GUCY2F: variants seen among roughly 807,000 people sequenced by gnomAD.
GUCY2F encodes the protein guanylate cyclase 2F, retinal.
GUCY2F carries 61 observed loss-of-function variants against 73.1 expected under a neutral mutation model. That is an observed-to-expected ratio of 0.83 (90% CI 0.68 to 1.03). The LOEUF (loss-of-function observed/expected upper bound fraction) is 1.03. Among genes scored for constraint, GUCY2F ranks in the 50% least tolerant of loss-of-function variants. The probability of loss-of-function intolerance (pLI) is 0.00; values close to 1 mark genes in which losing one functional copy is unlikely to be tolerated. For synonymous variants in GUCY2F, 331 were observed against 307.8 expected, an observed-to-expected ratio of 1.08 and a Z score of -0.79; for missense variants, 912 against 854.3, an observed-to-expected ratio of 1.07 and a Z score of -0.84.
rs749158409 is a variant in GUCY2F, at chrX:109,453,745, T to C, written c.1147A>G (p.Arg383Gly). Residue 383 changes from arginine (R) to glycine (G), a missense_variant, in exon 4 of 20, where the codon AGA becomes GGA. Physicochemically the swap from Arg to Gly is moderately radical, Grantham distance 125. Coordinates refer to ENST00000218006, the MANE Select transcript of GUCY2F (RefSeq NM_001522.3). ...TTGAATCCATGGAACTGCATGTTTC[T>C]GGAATGCTGAACCAGGCTGGCAGCA... ...AGAASLVQHS[R>G]NMQFHGFNQL... The C allele has an allele frequency of 4.8e-5, 57 of 1,198,614 alleles. 1 individual carries two copies. In the East Asian group the frequency reaches 1.7e-3, roughly 35 times the overall value.
At chrX:109,387,530 G>A (rs1045830399) in intron 15 of GUCY2F, among the ~76,000 whole-genome samples, 8 of 112,205 alleles carry the variant, frequency 7.1e-5, no homozygotes, top group South Asian at 3.7e-4. Context: ...AGTCATCAGC[G>A]TACAAGTGGT....
In GUCY2F at chrX:109,395,429, T is replaced by G; in HGVS notation, c.2336A>C (p.His779Pro). ...CAGCTGGAGACATTCTGGAGGGGCA[T>G]GCTCAGGAGGAACTACTGGTCTGTA... Reference protein sequence around the residue: ...PVYRPVVPPEHAPPECLQLMK... With the variant: ...PVYRPVVPPEPAPPECLQLMK... The change falls in exon 12 of 20, where the codon CAT (histidine) becomes CCT (proline). Residue 779 changes from histidine to proline, a missense_variant. Physicochemically the swap from His to Pro is moderately conservative, Grantham distance 77. Transcript: ENST00000218006. 1 of 1,198,015 alleles carries G rather than the reference T, an allele frequency of 8.3e-7. No homozygotes were observed. The highest frequency in any genetic ancestry group is 2.3e-4 in the Middle Eastern group (1 of 4,322).
chrX:109,412,233 G>A (rs1931128187), intron 8 of GUCY2F, among the ~76,000 whole-genome samples: 1 of 111,841 alleles, frequency 8.9e-6, no homozygotes, highest in South Asian at 3.8e-4. Context: ...TATAAATCAC[G>A]TGACTTCTTG....
chrX:109,383,648 G>A (rs754215761), intron 16 of GUCY2F, among the ~76,000 whole-genome samples: 20 of 111,800 alleles, frequency 1.8e-4, no homozygotes, highest in East Asian at 5.7e-4. Context: ...GAGCACACGC[G>A]TATACTTCTT....
At chrX:109,394,592 G>A (rs1930658007) in intron 12 of GUCY2F, among the ~76,000 whole-genome samples, 1 of 112,209 alleles carries the variant, frequency 8.9e-6, no homozygotes, top group African/African-American at 3.2e-5. Flanking sequence ...CTCATGGTGA[G>A]CACCCTCAGT....
chrX:109,390,271 G>A (rs1418252711), intron 14 of GUCY2F, among the ~76,000 whole-genome samples: 1 of 111,389 alleles, frequency 9.0e-6, no homozygotes, highest in Admixed American at 9.5e-5. Context: ...AGAAAAGGGT[G>A]CGATTGGGAT....
chrX:109,391,039 G>C (rs1207986677), intron 14 of GUCY2F, among the ~76,000 whole-genome samples: 2 of 112,321 alleles, frequency 1.8e-5, no homozygotes, highest in Non-Finnish European at 3.8e-5. Context: ...CTTTGGTCCT[G>C]GGACAGAGAA....
At chrX:109,431,997 A>C (rs1471908561) in intron 7 of GUCY2F, among the ~76,000 whole-genome samples, 1 of 110,956 alleles carries the variant, frequency 9.0e-6, no homozygotes, top group East Asian at 2.8e-4. Flanking sequence ...GCCTGCCTGC[A>C]GCAGAATGGT....
intron 7 of GUCY2F, among the ~76,000 whole-genome samples, chrX:109,438,936 C>T (rs999366831): frequency 8.9e-6 from 1 of 112,857 alleles, no homozygotes; most frequent in African/African-American, 3.2e-5. Context: ...CTAATGGGGA[C>T]TCTCTGCAGT....
intron 17 of GUCY2F, among the ~76,000 whole-genome samples, chrX:109,378,065 C>T (rs1280023734): frequency 4.5e-5 from 5 of 111,429 alleles, no homozygotes; most frequent in Non-Finnish European, 7.5e-5. Flanking sequence ...AACTCTTTGA[C>T]CCAATATCAA....
At chrX:109,453,387 C>T (rs1188223797) in intron 4 of GUCY2F, 118 bp downstream of exon 4, 17 of 445,236 alleles carry the variant, frequency 3.8e-5, no homozygotes, top group Middle Eastern at 5.8e-4. Flanking sequence ...GTATGTCACT[C>T]GAATGCAAAT....
At chrX:109,473,070 T>C in intron 2 of GUCY2F, among the ~76,000 whole-genome samples, 1 of 109,358 alleles carries the variant, frequency 9.1e-6, no homozygotes, top group Non-Finnish European at 1.9e-5. Context: ...CCCACCCACA[T>C]TCTGACTCAT....
chrX:109,476,723 AAGAT>A (rs3831757), intron 1 of GUCY2F, among the ~76,000 whole-genome samples: 40,578 of 96,259 alleles, frequency 0.42, 7,492 homozygotes, highest in Middle Eastern at 0.49. Flanking sequence ...CCCAGAGGTA[AAGAT>A]AGATAGATAG....
intron 17 of GUCY2F, 139 bp downstream of exon 17, chrX:109,381,979 C>T (rs986822790): frequency 3.3e-5 from 13 of 396,056 alleles, no homozygotes; most frequent in Non-Finnish European, 5.4e-5. Context: ...TTTTGGGAAC[C>T]CCAAATGGGG....
chrX:109,408,085 A>G (rs1178299615), intron 9 of GUCY2F, among the ~76,000 whole-genome samples: 1 of 112,299 alleles, frequency 8.9e-6, no homozygotes, highest in Non-Finnish European at 1.9e-5. Context: ...AGCCCATGAA[A>G]GCAGCCAGAA....
intron 7 of GUCY2F, among the ~76,000 whole-genome samples, chrX:109,431,567 C>T (rs1250833656): frequency 9.1e-6 from 1 of 110,001 alleles, no homozygotes; most frequent in African/African-American, 3.3e-5. Flanking sequence ...GGCGTGGTGG[C>T]GGGCGCCTGT....
At position 109,392,955 on chromosome X, in the gene GUCY2F, C is replaced by T. The variant is rs748872921; in HGVS notation, c.2525G>A (p.Arg842Gln). 43 of 1,172,189 alleles carry T rather than the reference C, an allele frequency of 3.7e-5. No homozygotes were observed. The highest frequency in any genetic ancestry group is 3.4e-4 in the South Asian group (19 of 55,815). The stretch of plus-strand genomic sequence containing the variant: ...TTTTTCAATTTCCAGCTCTTCAGTC[C>T]GCTCCCGAATCAAATCTTCCAAGTT... ...SSNLEDLIRE[R>Q]TEELEIEKQK... is the part of the protein sequence containing the mutation. Residue 842 changes from arginine (R) to glutamine (Q), a missense_variant, in exon 13 of 20, where the codon CGG becomes CAG. By Grantham distance (43) the Arg-to-Gln change is conservative. Transcript: ENST00000218006.
rs1362851010 is a variant in GUCY2F, at chrX:109,475,626, C to T, written c.311G>A (p.Cys104Tyr). ...ACTGGAGAGAGCCCTCGAAGTCTGG[C>T]AGTCTTCATTGAGAATCACGTATTC... is the stretch of plus-strand genomic sequence containing the variant. ...SFEYVILNED[C>Y]QTSRALSSFI... The change falls in exon 2 of 20, where the codon TGC (cysteine) becomes TAC (tyrosine). Residue 104 changes from cysteine to tyrosine, a missense_variant. Physicochemically the swap from Cys to Tyr is radical, Grantham distance 194. Transcript: ENST00000218006. 8.3e-7 allele frequency: 1 copy of T among 1,210,081 alleles called. No individual in the cohort carries two copies. Among genetic ancestry groups the T allele is most frequent in the East Asian group, 3.0e-5 (1 of 33,810 alleles).
intron 12 of GUCY2F, 125 bp downstream of exon 12, chrX:109,395,216 A>T (rs2076361): frequency 3.7e-6 from 2 of 539,207 alleles, no homozygotes; most frequent in Non-Finnish European, 6.1e-6. Flanking sequence ...CTGTTCCTCC[A>T]AGAGGAGTGC....
Sources: allele counts gnomAD v4.1 joint callset (sites outside exome capture counted in the v4.1 genomes callset), GRCh38; gene constraint gnomAD v4.1.1; transcripts MANE v1.5; gene names NCBI Gene and HGNC (gene_info 2026-07-23, HGNC 2026-07-21).